MYO15A: variants seen among roughly 807,000 people sequenced by gnomAD.
MYO15A encodes unconventional myosin-XV.
Under a neutral mutation model 394.6 loss-of-function variants are expected in MYO15A, and 308 were observed. The ratio of observed to expected loss-of-function variants is 0.78; its 90% CI spans 0.71 to 0.86. The LOEUF (loss-of-function observed/expected upper bound fraction) is 0.86, where lower values mean the gene tolerates loss of function less well. Among genes scored for constraint, MYO15A ranks in the 40% least tolerant of loss-of-function variants. The pLI is 0.00. For missense variants in MYO15A, 4,606 were observed against 4,799.1 expected, an observed-to-expected ratio of 0.96 and a Z score of 1.19; for synonymous variants, 1,957 against 2,003.8, an observed-to-expected ratio of 0.98 and a Z score of 0.62.
chr17:18,170,445 A>G (rs1276174979), intron 62 of MYO15A, among the ~76,000 whole-genome samples: 1 of 151,574 alleles, frequency 6.6e-6, no homozygotes, highest in Non-Finnish European at 1.5e-5. Flanking sequence ...TGCAGCCTTG[A>G]CCTCTTGGGC....
Position 18,139,530 on chromosome 17 carries a change from T to C in MYO15A, c.5134-4T>C. 1 of 1,613,814 alleles carries C rather than the reference T, an allele frequency of 6.2e-7. No homozygotes were observed. Among genetic ancestry groups the C allele is most frequent in the East Asian group, 2.2e-5 (1 of 44,876 alleles). ...ATTACCCAGGCCATTGTTCCCCTTT[T>C]CAGGTGCACAAGTTCCTGGACAAGA... On this transcript the variant is annotated splice_region_variant and splice_polypyrimidine_tract_variant and intron_variant, in intron 18 of 65. Transcript: ENST00000647165.
At position 18,148,974 on chromosome 17, in the gene MYO15A, C is replaced by G; in HGVS notation, c.6956+22C>G. On this transcript the variant is annotated intron_variant, in intron 33 of 65. Transcript: ENST00000647165. The surrounding 1 kb of genome is among the most constrained non-coding windows in gnomAD (Gnocchi z 4.8). ...AAGTGTAGGTAGCTATGGGGGACCC[C>G]CTCACAGATGGCCACTCCCAGGCAG... The G allele has an allele frequency of 1.3e-6, 2 of 1,567,016 alleles. No homozygotes were observed. The highest frequency in any genetic ancestry group is 1.7e-6 in the Non-Finnish European group (2 of 1,156,468).
chr17:18,157,083 G>A lies in MYO15A; in HGVS notation c.8713+18G>A, dbSNP rs1395919819. 2 of 1,613,496 alleles carry A rather than the reference G, an allele frequency of 1.2e-6. No individual in the cohort carries two copies. The highest frequency in any genetic ancestry group is 1.3e-5 in the African/African-American group (1 of 74,938). On this transcript the variant is annotated intron_variant, in intron 49 of 65. Transcript: ENST00000647165. ...TCGAGTGGGTCAGTGCCACTGGGGTGGGCTGGGGGCAGGAGGGGGAGGCTG... is the reference window on the plus strand; with the variant it reads ...TCGAGTGGGTCAGTGCCACTGGGGTAGGCTGGGGGCAGGAGGGGGAGGCTG...
chr17:18,113,739 CAAA>C (rs72282387), intron 1 of MYO15A, among the ~76,000 whole-genome samples: 2 of 119,396 alleles, frequency 1.7e-5, no homozygotes, highest in Non-Finnish European at 1.7e-5. Flanking sequence ...GAGACTGTCT[CAAA>C]AAAAAAAAAA....
rs760534158 is a variant in MYO15A, at chr17:18,135,712, C to G, written c.4484C>G (p.Thr1495Arg). The G allele has an allele frequency of 1.9e-6, 3 of 1,613,778 alleles. No individual in the cohort carries two copies. Among genetic ancestry groups the G allele is most frequent in the Non-Finnish European group, 2.5e-6 (3 of 1,179,716 alleles). The change falls in exon 13 of 66, where the codon ACG (threonine) becomes AGG (arginine). Residue 1495 changes from threonine to arginine, a missense_variant and splice_region_variant. Coordinates refer to ENST00000647165, the MANE Select transcript of MYO15A (RefSeq NM_016239.4). The part of the protein sequence containing the change: ...LGNVYFEKYE[T>R]DAQEVASVVS... Reference sequence around the variant, plus strand: ...CATTCCTGTTGGTATTTTGCATAGACGGATGCACAGGAGGTGGCCTCAGTG... The same window carrying G: ...CATTCCTGTTGGTATTTTGCATAGAGGGATGCACAGGAGGTGGCCTCAGTG...
Position 18,154,277 on chromosome 17 carries a change from G to A in MYO15A, c.8148+87G>A, listed in dbSNP as rs184350217. ...TGAGCTAGCTGCAAAGCCTGCCTCT[G>A]CATGTTGGGATTTGGGGTCCTTGAC... On this transcript the variant is annotated intron_variant, in intron 44 of 65. Coordinates refer to ENST00000647165, the MANE Select transcript of MYO15A (RefSeq NM_016239.4). 4.3e-4 allele frequency: 656 copies of A among 1,508,618 alleles called. 2 individuals carry two copies. The highest frequency in any genetic ancestry group is 2.7e-3 in the Middle Eastern group (16 of 5,882). The allele number at this position is 1,508,618 out of a possible 1,614,324, so 93.5% of individuals were successfully genotyped here. A position where few individuals can be genotyped will look rare whatever the true frequency, so the allele number is the denominator to read the frequency against.
Position 18,120,045 on chromosome 17 carries a change from A to C in MYO15A, c.1245A>C (p.Pro415=), listed in dbSNP as rs1597751835. The change falls in exon 2 of 66, where the codon CCA becomes CCC. Residue 415 remains proline, a synonymous_variant. Transcript: ENST00000647165. The part of the protein sequence containing the change: ...SASAFVYPWV[P]PPIPSPHNPY... ...CGGCCTTTGTGTACCCCTGGGTACCACCGCCCATCCCGTCGCCCCACAACC... is the reference window on the plus strand; with the variant it reads ...CGGCCTTTGTGTACCCCTGGGTACCCCCGCCCATCCCGTCGCCCCACAACC... 6.2e-7 allele frequency: 1 copy of C among 1,613,322 alleles called. No homozygotes were observed. The highest frequency in any genetic ancestry group is 1.1e-5 in the South Asian group (1 of 91,080).
In MYO15A at chr17:18,158,541, C is replaced by G. The variant is rs776578292; in HGVS notation, c.8986C>G (p.Arg2996Gly). 2 of 1,614,164 alleles carry G rather than the reference C, an allele frequency of 1.2e-6. No individual in the cohort carries two copies. The highest frequency in any genetic ancestry group is 3.3e-5 in the Admixed American group (2 of 60,022). The stretch of plus-strand genomic sequence containing the variant: ...TCTGCAGGGTCCCCCAGTCAGGGCC[C>G]GCTCTGCTGACCATGGGGAGGACGC... ...RRREGPPVRA[R>G]SADHGEDALA... Residue 2996 changes from arginine to glycine, a missense_variant, in exon 52 of 66, where the codon CGC (arginine) becomes GGC (glycine). Arg to Gly is a moderately radical substitution (Grantham distance 125, BLOSUM62 -2). This residue lies in a region of MYO15A where 2,776 missense variants were observed against 3,109.3 expected (regional missense o/e 0.89). Coordinates refer to ENST00000647165, the MANE Select transcript of MYO15A (RefSeq NM_016239.4).
At position 18,173,626 on chromosome 17, in the gene MYO15A, G is replaced by A. The variant is rs151115104; in HGVS notation, c.10351-155G>A. ...AAACTGAGGTCCAGAGAGGTAAAGTGATTTGCTCAAGGTCACGCAAGTCAC... is the reference window on the plus strand; with the variant it reads ...AAACTGAGGTCCAGAGAGGTAAAGTAATTTGCTCAAGGTCACGCAAGTCAC... On this transcript the variant is annotated intron_variant, in intron 64 of 65. Coordinates refer to ENST00000647165, the MANE Select transcript of MYO15A (RefSeq NM_016239.4). 2.0e-5 allele frequency: 19 copies of A among 949,276 alleles called. No homozygotes were observed. The East Asian group carries it at 4.9e-4, about 24-fold the overall frequency. The allele number at this position is 949,276 out of a possible 1,614,324, so 58.8% of individuals were successfully genotyped here. A position where few individuals can be genotyped will look rare whatever the true frequency, so the allele number is the denominator to read the frequency against.
intron 7 of MYO15A, 38 bp downstream of exon 7, chr17:18,127,203 A>C (rs1380659116): frequency 6.2e-7 from 1 of 1,608,144 alleles, no homozygotes; most frequent in Non-Finnish European, 8.5e-7. Context: ...TAGGCTGAAC[A>C]CCCTTTGATA....
At chr17:18,158,672 G>A (rs1000912226) in intron 52 of MYO15A, 34 bp downstream of exon 52, 56 of 1,604,674 alleles carry the variant, frequency 3.5e-5, no homozygotes, top group Non-Finnish European at 4.3e-5. Flanking sequence ...TCCCACAGTG[G>A]GAGGGTGCTG....
rs375050588 is a variant in MYO15A at position 18,149,579 on chromosome 17, C to T, written c.7211C>T (p.Ala2404Val). ...LFDPVLSYGDADLEKPTAIAY... is the reference protein window; with the variant it reads ...LFDPVLSYGDVDLEKPTAIAY... ...GACCCTGTGCTGTCCTACGGGGATG[C>T]GGTAGGGATGGTGTGGGGTGGGTCA... The change falls in exon 35 of 66, where the codon GCG (alanine) becomes GTG (valine). Residue 2404 changes from alanine (A) to valine (V), a missense_variant and splice_region_variant. This residue lies in a region of MYO15A where 2,776 missense variants were observed against 3,109.3 expected (regional missense o/e 0.89). Transcript: ENST00000647165. The T allele has an allele frequency of 2.2e-5, 35 of 1,613,746 alleles. No individual in the cohort carries two copies. The highest frequency in any genetic ancestry group is 1.1e-4 in the South Asian group (10 of 91,084).
At chr17:18,127,042 G>C (rs370914309) in intron 6 of MYO15A, 33 bp from the exon 7 acceptor site, 25 of 1,613,222 alleles carry the variant, frequency 1.5e-5, no homozygotes, top group African/African-American at 2.7e-5. Context: ...GCAGCGAAAG[G>C]TTGGAGCTCA....
intron 65 of MYO15A, 144 bp from the exon 66 acceptor site, chr17:18,178,625 C>G (rs2047048110): frequency 1.2e-6 from 1 of 805,754 alleles, no homozygotes; most frequent in Non-Finnish European, 2.1e-6. Context: ...TCCTCTCAGG[C>G]CCTGGGGGAG....
intron 53 of MYO15A, 123 bp from the exon 54 acceptor site, chr17:18,159,152 G>A: frequency 7.2e-7 from 1 of 1,379,332 alleles, no homozygotes. Flanking sequence ...CCCCAGTGTT[G>A]GGCCTGGCTC....
chr17:18,137,574 C>T lies in MYO15A; in HGVS notation c.4780-10C>T. The T allele has an allele frequency of 6.2e-7, 1 of 1,613,020 alleles. No individual in the cohort carries two copies. Among genetic ancestry groups the T allele is most frequent in the Non-Finnish European group, 8.5e-7 (1 of 1,179,754 alleles). ...AAGGACCAGTCCCAGCACCCCCATC[C>T]ACCTGGCAGGACCTGAGCTTCAACA... On this transcript the variant is annotated splice_polypyrimidine_tract_variant and intron_variant, in intron 15 of 65. Coordinates refer to ENST00000647165, the MANE Select transcript of MYO15A (RefSeq NM_016239.4).
Position 18,150,404 on chromosome 17 carries a change from C to A in MYO15A, c.7213-25C>A, listed in dbSNP as rs1434621693. The A allele has an allele frequency of 6.2e-7, 1 of 1,601,884 alleles. No homozygotes were observed. The highest frequency in any genetic ancestry group is 1.3e-5 in the African/African-American group (1 of 74,736). ...CTTGGGAGTACAATAATGAGATGGT[C>A]ACTTGAGCCACCCACTGCCCCCAGG... On this transcript the variant is annotated intron_variant, in intron 35 of 65. Transcript: ENST00000647165. The surrounding 1 kb of genome is among the most constrained non-coding windows in gnomAD (Gnocchi z 4.4).
At chr17:18,163,107 C>T (rs2046799585) in intron 58 of MYO15A, 137 bp from the exon 59 acceptor site, 6 of 880,252 alleles carry the variant, frequency 6.8e-6, no homozygotes, top group Admixed American at 1.7e-5. Context: ...ACAGGCCCTG[C>T]GCGGTCCAGG....
At chr17:18,155,042 G>C in intron 45 of MYO15A, 68 bp from the exon 46 acceptor site, 3 of 1,464,532 alleles carry the variant, frequency 2.0e-6, no homozygotes, top group Non-Finnish European at 1.9e-6. Context: ...CTCCCTCCCT[G>C]ACATCCCCGA....
Sources: allele counts gnomAD v4.1 joint callset (sites outside exome capture counted in the v4.1 genomes callset), GRCh38; gene constraint gnomAD v4.1.1; regional missense constraint gnomAD v4.1.1; non-coding constraint Gnocchi (gnomAD v3.1); transcripts MANE v1.5; gene names NCBI Gene and HGNC (gene_info 2026-07-23, HGNC 2026-07-21).